The following ADAM32 variants were observed in gnomAD, a reference collection of about 807,000 sequenced individuals.
ADAM32 encodes the protein ADAM metallopeptidase domain 32.
A neutral mutation model predicts 114.9 loss-of-function variants in ADAM32; 89 were observed. The ratio of observed to expected loss-of-function variants is 0.77; its 90% CI spans 0.65 to 0.92. The LOEUF is 0.92. Ranked by LOEUF, ADAM32 falls within the 40% of genes least tolerant of loss-of-function variation. The pLI is 0.00. For missense variants in ADAM32, 870 were observed against 932.8 expected (o/e 0.93, Z 0.88); for synonymous variants, 285 against 307.5 (o/e 0.93, Z 0.77).
At chr8:39,222,665 A>G (rs1447499620) in intron 13 of ADAM32, among the ~76,000 whole-genome samples, 2 of 152,136 alleles carry the variant, frequency 1.3e-5, no homozygotes, top group African/African-American at 4.8e-5. Flanking sequence ...TTCCACACTT[A>G]AAAACCATGG....
intron 16 of ADAM32, among the ~76,000 whole-genome samples, chr8:39,245,511 A>G (rs887546697): frequency 6.6e-6 from 1 of 151,642 alleles, no homozygotes; most frequent in Non-Finnish European, 1.5e-5. Flanking sequence ...CCTTGTTCCA[A>G]TCTGACTTGC....
intron 11 of ADAM32, among the ~76,000 whole-genome samples, chr8:39,206,954 C>T (rs1234916982): frequency 6.6e-6 from 1 of 151,738 alleles, no homozygotes; most frequent in East Asian, 1.9e-4. Context: ...GCACAAACAC[C>T]GTCTGTGGAA....
chr8:39,141,279 G>C (rs1340825064), intron 3 of ADAM32, among the ~76,000 whole-genome samples: 1 of 152,154 alleles, frequency 6.6e-6, no homozygotes, highest in Non-Finnish European at 1.5e-5. Flanking sequence ...CAATTGTGAT[G>C]TTAGGGTGTC....
rs1491213298 is a variant in ADAM32, at chr8:39,129,954, CCT to C, written c.139-6702_139-6701del. ...TGGCATAAAATTGTACATCACATTTCCTTTTTTTTTTTTTTTTCAAGACAATG... is the reference window on the plus strand; with the variant it reads ...TGGCATAAAATTGTACATCACATTTCTTTTTTTTTTTTTTTCAAGACAATG... On this transcript the variant is annotated intron_variant, in intron 2 of 24. Transcript: ENST00000379907. The C allele has an allele frequency of 3.7e-3, 817 of 222,544 alleles. 5 individuals carry two copies. The highest frequency in any genetic ancestry group is 0.027 in the African/African-American group (783 of 29,376). 13.8% of individuals were successfully genotyped at this position (222,544 alleles called of 1,614,324 possible).
intron 17 of ADAM32, among the ~76,000 whole-genome samples, chr8:39,247,344 C>G (rs1564679935): frequency 6.6e-6 from 1 of 152,224 alleles, no homozygotes; most frequent in Middle Eastern, 3.4e-3. Context: ...CCCTGTTGCT[C>G]CACATCCAAG....
At chr8:39,261,197 C>G (rs1239011248) in intron 19 of ADAM32, among the ~76,000 whole-genome samples, 1 of 152,126 alleles carries the variant, frequency 6.6e-6, no homozygotes, top group Admixed American at 6.5e-5. Flanking sequence ...TAGACTTTAG[C>G]AAATCTTTCC....
chr8:39,138,546 G>A (rs1441558547), intron 3 of ADAM32, among the ~76,000 whole-genome samples: 1 of 152,148 alleles, frequency 6.6e-6, no homozygotes, highest in Non-Finnish European at 1.5e-5. Context: ...GTGTATATAT[G>A]CCATATTTTC....
intron 12 of ADAM32, among the ~76,000 whole-genome samples, chr8:39,218,101 G>A (rs1470283546): frequency 6.6e-6 from 1 of 151,802 alleles, no homozygotes; most frequent in African/African-American, 2.4e-5. Flanking sequence ...GTAATGGTGT[G>A]GTTTTTTGCA....
chr8:39,217,087 C>T lies in ADAM32; in HGVS notation c.1234-4523C>T, dbSNP rs551297723. On this transcript the variant is annotated intron_variant, in intron 12 of 24. Coordinates refer to ENST00000379907, the MANE Select transcript of ADAM32 (RefSeq NM_145004.7). ...TGTTTCTCTGGGAAAGTCTTTATTT[C>T]TCCATTATGTTTAAAGAATATATAT... is the stretch of plus-strand genomic sequence containing the variant. Among the ~76,000 whole-genome samples the T allele has an allele frequency of 4.9e-3, 671 of 136,170 alleles. 3 individuals carry two copies. Among genetic ancestry groups the T allele is most frequent in the African/African-American group, 0.018 (656 of 37,372 alleles). 89.3% of individuals were successfully genotyped at this position (136,170 alleles called of 152,430 possible). A position where few individuals can be genotyped will look rare whatever the true frequency, so the allele number is the denominator to read the frequency against.
chr8:39,192,103 A>G (rs1351699976), intron 11 of ADAM32, among the ~76,000 whole-genome samples: 2 of 152,130 alleles, frequency 1.3e-5, no homozygotes, highest in Non-Finnish European at 2.9e-5. Context: ...ATTTCTTGCT[A>G]GTTCAGTCTT....
chr8:39,196,011 T>C (rs1806959454), intron 11 of ADAM32, among the ~76,000 whole-genome samples: 1 of 152,196 alleles, frequency 6.6e-6, no homozygotes, highest in African/African-American at 2.4e-5. Flanking sequence ...TCTCTTTAAT[T>C]TTTTTATATC....
At chr8:39,269,149 T>G (rs1812552275) in intron 19 of ADAM32, among the ~76,000 whole-genome samples, 1 of 152,224 alleles carries the variant, frequency 6.6e-6, no homozygotes, top group Admixed American at 6.5e-5. Context: ...TTCTGCCCTG[T>G]GAACCCTAGC....
At chr8:39,214,521 C>T (rs866796226) in intron 12 of ADAM32, among the ~76,000 whole-genome samples, 2 of 151,956 alleles carry the variant, frequency 1.3e-5, no homozygotes, top group Non-Finnish European at 2.9e-5. Flanking sequence ...TTTTGCCCAC[C>T]TTTAAATCAG....
chr8:39,276,456 T>G (rs746285602), intron 22 of ADAM32, among the ~76,000 whole-genome samples: 7 of 152,226 alleles, frequency 4.6e-5, no homozygotes, highest in Non-Finnish European at 7.3e-5. Context: ...TTTTAGGTCC[T>G]TCTGCAGATA....
chr8:39,250,377 A>G (rs960832508), intron 17 of ADAM32, among the ~76,000 whole-genome samples: 1 of 151,806 alleles, frequency 6.6e-6, no homozygotes, highest in Non-Finnish European at 1.5e-5. Flanking sequence ...GCCCATCAAA[A>G]GCATTCTTCA....
At chr8:39,217,677 T>A (rs4537270) in intron 12 of ADAM32, among the ~76,000 whole-genome samples, 1 of 151,944 alleles carries the variant, frequency 6.6e-6, no homozygotes, top group East Asian at 1.9e-4. Context: ...GTAGGTCAAT[T>A]GTGTCTTTCA....
intron 2 of ADAM32, among the ~76,000 whole-genome samples, chr8:39,121,268 T>C (rs892490115): frequency 3.3e-5 from 5 of 152,088 alleles, no homozygotes; most frequent in Non-Finnish European, 2.9e-5. Context: ...ACAGAGAAAA[T>C]TGGATAGAAT....
intron 14 of ADAM32, among the ~76,000 whole-genome samples, chr8:39,229,160 C>A (rs576291463): frequency 6.6e-5 from 10 of 152,330 alleles, no homozygotes; most frequent in South Asian, 4.1e-4. Flanking sequence ...CAAGCCACCA[C>A]TACAAGAACT....
intron 11 of ADAM32, among the ~76,000 whole-genome samples, chr8:39,200,367 A>G (rs1166706331): frequency 4.6e-5 from 7 of 152,178 alleles, no homozygotes; most frequent in East Asian, 1.9e-4. Context: ...TTTCTCTGAT[A>G]GCCAGTGATG....
Sources: allele counts gnomAD v4.1 joint callset (sites outside exome capture counted in the v4.1 genomes callset), GRCh38; gene constraint gnomAD v4.1.1; transcripts MANE v1.5; gene names NCBI Gene and HGNC (gene_info 2026-07-23, HGNC 2026-07-21).